The following STARD13 variants were observed in gnomAD, a reference collection of about 807,000 sequenced individuals.
The protein encoded by STARD13 is stAR-related lipid transfer protein 13.
STARD13 carries 62 observed loss-of-function variants against 106.4 expected under a neutral mutation model. The ratio of observed to expected loss-of-function variants is 0.58; its 90% CI spans 0.48 to 0.72. STARD13 has a LOEUF of 0.72. Ranked by LOEUF, STARD13 falls within the 30% of genes least tolerant of loss-of-function variation. The pLI, the probability that STARD13 is intolerant of heterozygous loss-of-function variation, is 0.00. For missense variants in STARD13, 1,387 were observed against 1,424.0 expected (o/e 0.97, Z 0.42); for synonymous variants, 565 against 553.0 (o/e 1.02, Z -0.31).
At chr13:33,514,208 A>G in the STARD13 span, among the ~76,000 whole-genome samples, 1 of 152,182 alleles carries the variant, frequency 6.6e-6, no homozygotes, top group Non-Finnish European at 1.5e-5. Flanking sequence ...GATTCAGTAG[A>G]TGTTCACAAA....
chr13:33,519,602 A>G, the STARD13 span, among the ~76,000 whole-genome samples: 1 of 151,948 alleles, frequency 6.6e-6, no homozygotes, highest in Non-Finnish European at 1.5e-5. Context: ...AAATCTCATT[A>G]CTGTGATTCC....
At chr13:33,595,348 A>T in the STARD13 span, among the ~76,000 whole-genome samples, 8,253 of 152,260 alleles carry the variant, frequency 0.054, 345 homozygotes, top group East Asian at 0.24. Context: ...TATGTGGATC[A>T]TCTAGAGAAC....
upstream of STARD13, among the ~76,000 whole-genome samples, chr13:33,290,177 C>T (rs1892239155): frequency 1.3e-5 from 2 of 152,172 alleles, no homozygotes; most frequent in Non-Finnish European, 2.9e-5. Flanking sequence ...GTCTGCTGCC[C>T]TTTCTACTCC....
At chr13:33,433,437 A>G in the STARD13 span, among the ~76,000 whole-genome samples, 1 of 152,212 alleles carries the variant, frequency 6.6e-6, no homozygotes, top group Admixed American at 6.5e-5. Flanking sequence ...TTCCAGAGGA[A>G]GATGTGAATC....
At chr13:33,187,828 C>A (rs2019868) in intron 1 of STARD13, among the ~76,000 whole-genome samples, 2 of 151,652 alleles carry the variant, frequency 1.3e-5, no homozygotes, top group African/African-American at 2.4e-5. Context: ...GATTACAGAC[C>A]TGTGCCACCA....
At chr13:33,402,715 A>G in the STARD13 span, among the ~76,000 whole-genome samples, 13 of 152,388 alleles carry the variant, frequency 8.5e-5, no homozygotes, top group African/African-American at 2.4e-4. Context: ...GCAGATGAAC[A>G]GTGGAACAAC....
the STARD13 span, among the ~76,000 whole-genome samples, chr13:33,476,949 G>A: frequency 6.6e-6 from 1 of 152,144 alleles, no homozygotes; most frequent in South Asian, 2.1e-4. Flanking sequence ...GAGACACAGG[G>A]CCAGAAATTA....
the STARD13 span, among the ~76,000 whole-genome samples, chr13:33,563,958 G>A: frequency 1.4e-5 from 2 of 147,056 alleles, no homozygotes; most frequent in Non-Finnish European, 3.0e-5. Flanking sequence ...TTGGGAGGCC[G>A]AGGCAGGCAG....
rs1042331286 is a variant in STARD13 at position 33,317,594 on chromosome 13, A to G, written c.124+32696T>C. Among the ~76,000 whole-genome samples, 2 of 152,094 alleles carry G rather than the reference A, an allele frequency of 1.3e-5. 1 individual carries two copies. The highest frequency in any genetic ancestry group is 4.2e-4 in the South Asian group (2 of 4,818). On this transcript the variant is annotated intron_variant, in intron 1 of 5. Coordinates refer to the STARD13 transcript ENST00000567873. ...CTTTCATCTAGATCTCTCCTCAAAT[A>G]TCACCATCCTTGAGAAGTCTTCCTC...
chr13:33,611,236 C>T, the STARD13 span: 1 of 152,314 alleles, frequency 6.6e-6, no homozygotes, highest in Non-Finnish European at 1.5e-5. Flanking sequence ...GCTGAATGCT[C>T]CGCGCTCCAC....
rs564711562 is a variant in STARD13 at position 33,291,474 on chromosome 13, A to G, written c.124+58816T>C. Among the ~76,000 whole-genome samples the G allele has an allele frequency of 1.4e-3, 220 of 152,344 alleles. 2 individuals are homozygous for G. Among genetic ancestry groups the G allele is most frequent in the African/African-American group, 5.2e-3 (215 of 41,586 alleles). On this transcript the variant is annotated intron_variant, in intron 1 of 5. Transcript: ENST00000567873. ...TAGACTTGGCCAAGCACAGTAGTAC[A>G]TGGTACACTGTGTGCATATTTCCTG...
intron 1 of STARD13, among the ~76,000 whole-genome samples, chr13:33,340,668 C>T (rs1219709734): frequency 6.6e-6 from 1 of 152,124 alleles, no homozygotes; most frequent in East Asian, 1.9e-4. Flanking sequence ...TACAAAAAAC[C>T]AGAAACATAA....
chr13:33,357,785 C>G, the STARD13 span, among the ~76,000 whole-genome samples: 4 of 152,158 alleles, frequency 2.6e-5, no homozygotes, highest in African/African-American at 9.7e-5. Flanking sequence ...CAAAAATTAA[C>G]CGAGTGTGCT....
the STARD13 span, among the ~76,000 whole-genome samples, chr13:33,625,847 T>G: frequency 0.12 from 18,334 of 151,656 alleles, 2,796 homozygotes; most frequent in African/African-American, 0.36. Context: ...GACTATAGGT[T>G]CTCGCCACCA....
the STARD13 span, among the ~76,000 whole-genome samples, chr13:33,659,350 C>G: frequency 2.0e-5 from 3 of 151,442 alleles, no homozygotes; most frequent in Admixed American, 2.0e-4. Flanking sequence ...TGAGTAGCTG[C>G]GACTACAGGC....
intron 1 of STARD13, among the ~76,000 whole-genome samples, chr13:33,295,348 G>A (rs1348156343): frequency 6.6e-6 from 1 of 152,124 alleles, no homozygotes; most frequent in Non-Finnish European, 1.5e-5. Flanking sequence ...TGAAGTGACT[G>A]GAAGACACAT....
chr13:33,350,631 A>T (rs1004087456), upstream of STARD13: 1 of 1,353,882 alleles, frequency 7.4e-7, no homozygotes, highest in Non-Finnish European at 9.5e-7. Flanking sequence ...CTAGGTTATT[A>T]ACCTCTGCGC....
chr13:33,209,459 CT>C (rs59609576), intron 1 of STARD13, among the ~76,000 whole-genome samples: 4 of 149,018 alleles, frequency 2.7e-5, no homozygotes, highest in Middle Eastern at 3.4e-3. Flanking sequence ...CTCTCTCTCT[CT>C]TTTTTTTTTC....
chr13:33,206,325 T>C (rs1244548416), intron 1 of STARD13, among the ~76,000 whole-genome samples: 1 of 151,808 alleles, frequency 6.6e-6, no homozygotes, highest in African/African-American at 2.4e-5. Context: ...CTTAGGTTTT[T>C]CCATGCCTAA....
Sources: gnomAD v4.1 joint callset for allele counts (sites outside exome capture counted in the v4.1 genomes callset) on GRCh38, gnomAD v4.1.1 for gene constraint, MANE v1.5 for transcripts, NCBI Gene and HGNC (gene_info 2026-07-23, HGNC 2026-07-21) for gene names.